The following LAMC1 variants were observed in gnomAD, a reference collection of about 807,000 sequenced individuals.
LAMC1 encodes laminin subunit gamma 1, also known as laminin subunit gamma-1.
A neutral mutation model predicts 173.6 loss-of-function variants in LAMC1; 38 were observed. That is an observed-to-expected ratio of 0.22 (90% confidence interval 0.17 to 0.29). LAMC1 has a LOEUF of 0.29. Ranked by LOEUF, LAMC1 falls within the 10% of genes least tolerant of loss-of-function variation. The pLI is 1.00. For missense variants in LAMC1, 1,824 were observed against 2,051.8 expected, an observed-to-expected ratio of 0.89 and a Z score of 2.14; for synonymous variants, 746 against 749.1, an observed-to-expected ratio of 1.00 and a Z score of 0.07.
In LAMC1 at chr1:183,117,736, T is replaced by C. The variant is rs1328005257; in HGVS notation, c.1877+13T>C. 6.2e-7 allele frequency: 1 copy of C among 1,604,716 alleles called. No homozygotes were observed. On this transcript the variant is annotated intron_variant, in intron 10 of 27. Transcript: ENST00000258341. Reference sequence around the variant, plus strand: ...AGTATGTCTTCAGGTAAGATAGCCTTCTTTGTAAAGTGAGACTTGACGAAC... The same window carrying C: ...AGTATGTCTTCAGGTAAGATAGCCTCCTTTGTAAAGTGAGACTTGACGAAC...
At chr1:183,073,296 G>T (rs555495616) in intron 1 of LAMC1, among the ~76,000 whole-genome samples, 3 of 152,214 alleles carry the variant, frequency 2.0e-5, no homozygotes, top group African/African-American at 7.2e-5. Flanking sequence ...AATAGGTAGG[G>T]ATTTCTGGAT....
At chr1:183,136,620 A>G (rs758630763) in intron 25 of LAMC1, 35 bp downstream of exon 25, 4 of 1,523,986 alleles carry the variant, frequency 2.6e-6, no homozygotes, top group Non-Finnish European at 3.6e-6. Context: ...GTCCCTGCCC[A>G]TATCTTTCTC....
intron 1 of LAMC1, among the ~76,000 whole-genome samples, chr1:183,040,693 G>A (rs377397659): frequency 6.6e-6 from 1 of 152,190 alleles, no homozygotes; most frequent in Admixed American, 6.5e-5. Flanking sequence ...GCTGTAACCC[G>A]GGGTGAGCAC....
intron 1 of LAMC1, 71 bp from the exon 2 acceptor site, chr1:183,103,257 A>C: frequency 7.1e-7 from 1 of 1,398,944 alleles, no homozygotes; most frequent in East Asian, 2.3e-5. Context: ...GTTCCAAACT[A>C]AGCTGGGAAT....
chr1:183,041,796 C>G (rs544891093), intron 1 of LAMC1, among the ~76,000 whole-genome samples: 6 of 152,200 alleles, frequency 3.9e-5, no homozygotes, highest in East Asian at 1.9e-4. Context: ...CTTTTATGCC[C>G]CTAGTGTACG....
intron 16 of LAMC1, 122 bp from the exon 17 acceptor site, chr1:183,127,104 T>C: frequency 1.1e-6 from 1 of 871,852 alleles, no homozygotes; most frequent in South Asian, 1.9e-5. Context: ...AATAGTCCTG[T>C]TTTTCAAAAA....
At position 183,137,935 on chromosome 1, in the gene LAMC1, C is replaced by T. The variant is rs541685390; in HGVS notation, c.4473+108C>T. On this transcript the variant is annotated intron_variant, in intron 26 of 27. Coordinates refer to ENST00000258341, the MANE Select transcript of LAMC1 (RefSeq NM_002293.4). Reference sequence around the variant, plus strand: ...CTTTTTTATATTGACTTCTGTTTTTCATCACATTGTCTCGTCAAGAATTGG... The same window carrying T: ...CTTTTTTATATTGACTTCTGTTTTTTATCACATTGTCTCGTCAAGAATTGG... 2.6e-5 allele frequency: 26 copies of T among 998,160 alleles called. 1 individual carries two copies. In the South Asian group the frequency reaches 6.4e-4, roughly 25 times the overall value. 61.8% of individuals were successfully genotyped at this position (998,160 alleles called of 1,614,324 possible). A position where few individuals can be genotyped will look rare whatever the true frequency, so the allele number is the denominator to read the frequency against.
At chr1:183,085,077 T>G (rs1287773184) in intron 1 of LAMC1, among the ~76,000 whole-genome samples, 1 of 151,696 alleles carries the variant, frequency 6.6e-6, no homozygotes, top group Admixed American at 6.6e-5. Flanking sequence ...ATTAGCCGGG[T>G]GTGGTGGTGT....
chr1:183,039,302 T>C (rs1172478954), intron 1 of LAMC1, among the ~76,000 whole-genome samples: 1 of 152,110 alleles, frequency 6.6e-6, no homozygotes, highest in Non-Finnish European at 1.5e-5. Flanking sequence ...AAAGAGCAAT[T>C]GTGTACTTGA....
chr1:183,077,933 A>G (rs1042066445), intron 1 of LAMC1, among the ~76,000 whole-genome samples: 2 of 151,754 alleles, frequency 1.3e-5, no homozygotes, highest in African/African-American at 4.8e-5. Context: ...GTTTGGGGCA[A>G]TAAGTTGTCT....
chr1:183,058,474 T>A (rs1182989988), intron 1 of LAMC1, among the ~76,000 whole-genome samples: 2 of 152,238 alleles, frequency 1.3e-5, no homozygotes, highest in East Asian at 3.8e-4. Context: ...TATTGTTTTC[T>A]GTCTCCAGCA....
At chr1:183,051,528 T>G (rs773514968) in intron 1 of LAMC1, among the ~76,000 whole-genome samples, 2 of 152,192 alleles carry the variant, frequency 1.3e-5, no homozygotes, top group African/African-American at 2.4e-5. Context: ...AATCATGAGA[T>G]AAAAATGGTG....
At chr1:183,036,718 G>A (rs2102011488) in intron 1 of LAMC1, among the ~76,000 whole-genome samples, 1 of 152,094 alleles carries the variant, frequency 6.6e-6, no homozygotes, top group East Asian at 1.9e-4. Context: ...TGGATCCTCT[G>A]TAAAAAACAC....
Position 183,142,834 on chromosome 1 carries a change from G to T in LAMC1, c.*44G>T, listed in dbSNP as rs377612865. 263 of 1,559,980 alleles carry T rather than the reference G, an allele frequency of 1.7e-4. No homozygotes were observed. The highest frequency in any genetic ancestry group is 2.2e-4 in the Non-Finnish European group (252 of 1,154,334). On this transcript the variant is annotated 3_prime_UTR_variant, in exon 28 of 28. Coordinates refer to ENST00000258341, the MANE Select transcript of LAMC1 (RefSeq NM_002293.4). Reference sequence around the variant, plus strand: ...GCAGCATCCCTCTGACAGGGGGGCAGTTGTGAGGCCACAGAGTGCCTTGAC... The same window carrying T: ...GCAGCATCCCTCTGACAGGGGGGCATTTGTGAGGCCACAGAGTGCCTTGAC...
intron 1 of LAMC1, among the ~76,000 whole-genome samples, chr1:183,034,363 C>T (rs966499487): frequency 5.3e-5 from 8 of 152,114 alleles, no homozygotes; most frequent in Non-Finnish European, 8.8e-5. Flanking sequence ...CTCCGCCTCC[C>T]GGGTTCAAGT....
At chr1:183,073,199 G>C (rs1372294447) in intron 1 of LAMC1, among the ~76,000 whole-genome samples, 1 of 152,116 alleles carries the variant, frequency 6.6e-6, no homozygotes, top group East Asian at 1.9e-4. Context: ...TGTTGCTGGA[G>C]AGGATTTACT....
chr1:183,093,077 A>G (rs1046092442), intron 1 of LAMC1, among the ~76,000 whole-genome samples: 1 of 152,162 alleles, frequency 6.6e-6, no homozygotes, highest in Non-Finnish European at 1.5e-5. Flanking sequence ...CCAGGAGTTC[A>G]GTGTTGCAGT....
chr1:183,111,051 G>A (rs1182371873), intron 4 of LAMC1, among the ~76,000 whole-genome samples: 1 of 151,180 alleles, frequency 6.6e-6, no homozygotes, highest in Non-Finnish European at 1.5e-5. Flanking sequence ...AATATAATGA[G>A]TTCTAGGCTA....
At chr1:183,113,814 T>C (rs1409418385) in intron 4 of LAMC1, among the ~76,000 whole-genome samples, 1 of 152,204 alleles carries the variant, frequency 6.6e-6, no homozygotes. Context: ...TTAAGGTAAA[T>C]TGAAGCCTGC....
Sources: allele counts gnomAD v4.1 joint callset (sites outside exome capture counted in the v4.1 genomes callset), GRCh38; gene constraint gnomAD v4.1.1; transcripts MANE v1.5; gene names NCBI Gene and HGNC (gene_info 2026-07-23, HGNC 2026-07-21).